Variants in PTPN3 observed in about 807,000 individuals in gnomAD.
PTPN3 encodes protein tyrosine phosphatase non-receptor type 3, also known as tyrosine-protein phosphatase non-receptor type 3.
PTPN3 carries 96 observed loss-of-function variants against 132.7 expected under a neutral mutation model. That is an observed-to-expected ratio of 0.72 (90% CI 0.61 to 0.86). The LOEUF is 0.86. PTPN3 is among the 40% of genes least tolerant of loss of function. The probability of loss-of-function intolerance (pLI) is 0.00; values close to 1 mark genes in which losing one functional copy is unlikely to be tolerated. For missense variants in PTPN3, 1,125 were observed against 1,159.6 expected (o/e 0.97, Z 0.43); for synonymous variants, 398 against 429.0 (o/e 0.93, Z 0.89).
In PTPN3 at chr9:109,457,419, C is replaced by G; in HGVS notation, c.139-20G>C. 1 of 1,582,586 alleles carries G rather than the reference C, an allele frequency of 6.3e-7. No homozygotes were observed. Among genetic ancestry groups the G allele is most frequent in the East Asian group, 2.2e-5 (1 of 44,732 alleles). On this transcript the variant is annotated intron_variant, in intron 2 of 25. Coordinates refer to ENST00000374541, the MANE Select transcript of PTPN3 (RefSeq NM_002829.4). ...TTGTTTCTAGAACAAAGGAAATTATCAAGTGGGAAAAGTCTTAAATTAATT... is the reference window on the plus strand; with the variant it reads ...TTGTTTCTAGAACAAAGGAAATTATGAAGTGGGAAAAGTCTTAAATTAATT...
At chr9:109,445,378 T>C in intron 6 of PTPN3, 86 bp from the exon 7 acceptor site, 1 of 1,195,890 alleles carries the variant, frequency 8.4e-7, no homozygotes, top group African/African-American at 1.5e-5. Context: ...AACACATGTC[T>C]TTCTTTGCTT....
chr9:109,428,741 G>C, intron 10 of PTPN3, 57 bp from the exon 11 acceptor site: 2 of 1,569,504 alleles, frequency 1.3e-6, no homozygotes, highest in South Asian at 2.3e-5. Context: ...CCAGGTTGAA[G>C]CTGATGCCTC....
intron 1 of PTPN3, among the ~76,000 whole-genome samples, chr9:109,470,935 C>A (rs1846349487): frequency 6.6e-6 from 1 of 152,092 alleles, no homozygotes; most frequent in African/African-American, 2.4e-5. Flanking sequence ...TCAGTAAGGG[C>A]CCAGGAAACT....
In PTPN3 at chr9:109,383,431, T is replaced by G. The variant is rs139321235; in HGVS notation, c.2374A>C (p.Asn792His). Residue 792 changes from asparagine to histidine, a missense_variant, in exon 23 of 26, where the codon AAC becomes CAC. Physicochemically the swap from Asn to His is moderately conservative, Grantham distance 68. Coordinates refer to ENST00000374541, the MANE Select transcript of PTPN3 (RefSeq NM_002829.4). ...AYVSREMLVT[N>H]TQTGEEHTVT... ...CTCAGGCTGCGGCTCACCTGGGTGT[T>G]TGTGACCAGCATTTCTCGGGACACA... is the stretch of plus-strand genomic sequence containing the variant. The G allele has an allele frequency of 6.2e-7, 1 of 1,613,842 alleles. No homozygotes were observed. Among genetic ancestry groups the G allele is most frequent in the African/African-American group, 1.3e-5 (1 of 74,950 alleles).
the PTPN3 span, among the ~76,000 whole-genome samples, chr9:109,520,585 CT>C: frequency 6.6e-6 from 1 of 152,212 alleles, no homozygotes; most frequent in Non-Finnish European, 1.5e-5. Flanking sequence ...GTTCCCTCAT[CT>C]TTCTTTCAGA....
intron 22 of PTPN3, among the ~76,000 whole-genome samples, chr9:109,385,131 C>T (rs532879711): frequency 1.1e-4 from 17 of 152,238 alleles, no homozygotes; most frequent in African/African-American, 4.1e-4. Context: ...GCCAGAGAGA[C>T]TCCCCTTATT....
chr9:109,492,908 A>G (rs1847524842), intron 1 of PTPN3, among the ~76,000 whole-genome samples: 1 of 152,224 alleles, frequency 6.6e-6, no homozygotes, highest in Non-Finnish European at 1.5e-5. Flanking sequence ...TTTTCAAAAC[A>G]ATACATAATA....
At chr9:109,533,952 C>CTA in the PTPN3 span, 1 of 757,158 alleles carries the variant, frequency 1.3e-6, no homozygotes, top group East Asian at 2.4e-5. Flanking sequence ...CCACCAGGAC[C>CTA]TATAACATGT....
chr9:109,512,491 G>A, the PTPN3 span, among the ~76,000 whole-genome samples: 5 of 152,092 alleles, frequency 3.3e-5, no homozygotes, highest in African/African-American at 9.7e-5. Context: ...TCATTTTTAC[G>A]TCAAGAAATG....
the PTPN3 span, among the ~76,000 whole-genome samples, chr9:109,525,532 T>TG: frequency 3.3e-5 from 5 of 152,170 alleles, no homozygotes; most frequent in African/African-American, 1.2e-4. Context: ...CTCTAAGAGC[T>TG]GGGCCCAGGG....
At chr9:109,450,034 T>C (rs1845146158) in intron 5 of PTPN3, 2 of 983,346 alleles carry the variant, frequency 2.0e-6, no homozygotes, top group Non-Finnish European at 2.4e-6. Context: ...AGATAGGATA[T>C]GTGAGGTCAA....
At chr9:109,531,522 G>A in the PTPN3 span, among the ~76,000 whole-genome samples, 1 of 152,146 alleles carries the variant, frequency 6.6e-6, no homozygotes, top group Non-Finnish European at 1.5e-5. Flanking sequence ...TATTAGCTGG[G>A]GGGTCTTGGG....
At chr9:109,485,303 CGA>C (rs1750660953) in intron 1 of PTPN3, among the ~76,000 whole-genome samples, 1 of 152,010 alleles carries the variant, frequency 6.6e-6, no homozygotes. Context: ...GTCAGGAGAT[CGA>C]GACCATCCTG....
intron 22 of PTPN3, among the ~76,000 whole-genome samples, chr9:109,386,658 T>C (rs555471291): frequency 1.3e-5 from 2 of 152,118 alleles, no homozygotes; most frequent in South Asian, 4.2e-4. Flanking sequence ...GGGACACACA[T>C]GGTCAAGAGG....
chr9:109,381,628 C>T (rs745952290), intron 25 of PTPN3, 24 bp downstream of exon 25: 12 of 1,613,714 alleles, frequency 7.4e-6, no homozygotes, highest in South Asian at 2.2e-5. Flanking sequence ...TGCCAGCCAC[C>T]GTAATTACTG....
At chr9:109,487,035 T>C (rs939917067) in intron 1 of PTPN3, among the ~76,000 whole-genome samples, 2 of 152,204 alleles carry the variant, frequency 1.3e-5, no homozygotes, top group Non-Finnish European at 2.9e-5. Flanking sequence ...GTCTTGGGTA[T>C]GTCTTTATTA....
chr9:109,523,845 T>C, the PTPN3 span, among the ~76,000 whole-genome samples: 3 of 152,246 alleles, frequency 2.0e-5, no homozygotes, highest in Non-Finnish European at 4.4e-5. Context: ...TCCCAGTTGC[T>C]GAGCATGAAT....
At chr9:109,510,599 A>ATATATATT in the PTPN3 span, among the ~76,000 whole-genome samples, 1,373 of 82,286 alleles carry the variant, frequency 0.017, 33 homozygotes, top group East Asian at 0.047. Context: ...ATATATATAT[A>ATATATATT]TATATATATG....
chr9:109,433,916 TAAAAAAAA>T (rs1170933792), intron 9 of PTPN3, among the ~76,000 whole-genome samples: 1 of 98,284 alleles, frequency 1.0e-5, no homozygotes, highest in African/African-American at 3.3e-5. Flanking sequence ...AGACTCTGTT[TAAAAAAAA>T]AAAAAAAAAA....
Sources: allele counts gnomAD v4.1 joint callset (sites outside exome capture counted in the v4.1 genomes callset), GRCh38; gene constraint gnomAD v4.1.1; transcripts MANE v1.5; gene names NCBI Gene and HGNC (gene_info 2026-07-23, HGNC 2026-07-21).